The following LRIF1 variants were observed in gnomAD, a reference collection of about 807,000 sequenced individuals.
The protein encoded by LRIF1 is ligand-dependent nuclear receptor-interacting factor 1.
In LRIF1, 32 loss-of-function variants were observed where a neutral mutation model predicts 52.7. The ratio of observed to expected loss-of-function variants is 0.61; its 90% CI spans 0.46 to 0.82. The LOEUF (loss-of-function observed/expected upper bound fraction) is 0.82. LRIF1 is among the 40% of genes least tolerant of loss of function. The probability of loss-of-function intolerance (pLI) is 0.00; values close to 1 mark genes in which losing one functional copy is unlikely to be tolerated. For missense variants in LRIF1, 887 were observed against 892.0 expected, an observed-to-expected ratio of 0.99 and a Z score of 0.07; for synonymous variants, 323 against 317.4, an observed-to-expected ratio of 1.02 and a Z score of -0.19.
At position 110,948,116 on chromosome 1, in the gene LRIF1, T is replaced by C; in HGVS notation, c.2153A>G (p.His718Arg). 2 of 1,614,114 alleles carry C rather than the reference T, an allele frequency of 1.2e-6. No homozygotes were observed. ...LNSNAAYEQSHFFNKNYTEDI... is the reference protein window; with the variant it reads ...LNSNAAYEQSRFFNKNYTEDI... Reference sequence around the variant, plus strand: ...TTCGGTATAATTTTTATTGAAGAAATGACTTTGTTCATAAGCTGCATTTGA... The same window carrying C: ...TTCGGTATAATTTTTATTGAAGAAACGACTTTGTTCATAAGCTGCATTTGA... The change falls in exon 4 of 4, where the codon CAT becomes CGT. Residue 718 changes from histidine to arginine, a missense_variant. Transcript: ENST00000369763.
chr1:110,877,366 T>C, the LRIF1 span, among the ~76,000 whole-genome samples: 1 of 151,984 alleles, frequency 6.6e-6, no homozygotes, highest in Non-Finnish European at 1.5e-5. Flanking sequence ...GCAGACACCA[T>C]GGACAGGCCT....
At chr1:110,894,942 TG>T in the LRIF1 span, 1 of 1,601,584 alleles carries the variant, frequency 6.2e-7, no homozygotes, top group Non-Finnish European at 8.6e-7. Flanking sequence ...TCTCCTCTGC[TG>T]GAATGTGCCT....
chr1:110,933,196 G>A, the LRIF1 span, among the ~76,000 whole-genome samples: 16 of 152,144 alleles, frequency 1.1e-4, no homozygotes, highest in Admixed American at 2.0e-4. Flanking sequence ...GCTCAGCTCC[G>A]AAATCAGCTT....
chr1:110,902,824 AT>A, the LRIF1 span, among the ~76,000 whole-genome samples: 1 of 152,238 alleles, frequency 6.6e-6, no homozygotes, highest in Non-Finnish European at 1.5e-5. Context: ...TGAACCAAAA[AT>A]TAGGTGAGTC....
chr1:110,892,543 T>C, the LRIF1 span: 2 of 1,607,982 alleles, frequency 1.2e-6, no homozygotes, highest in Admixed American at 3.3e-5. Context: ...GGTGAGTCCT[T>C]ACAGCAGATG....
In LRIF1 at chr1:110,951,665, T is replaced by G. The variant is rs200821921; in HGVS notation, c.1219A>C (p.Ile407Leu). The change falls in exon 2 of 4, where the codon ATA becomes CTA. Residue 407 changes from isoleucine to leucine, a missense_variant. Transcript: ENST00000369763. ...QTVSSSPVTEISREVVNIVLA... is the reference protein window; with the variant it reads ...QTVSSSPVTELSREVVNIVLA... ...ACAATATTTACAACCTCTCTGGATA[T>G]TTCTGTGACTGGACTTGAACTCACT... The G allele has an allele frequency of 2.6e-4, 426 of 1,613,984 alleles. No homozygotes were observed. The highest frequency in any genetic ancestry group is 5.8e-4 in the Admixed American group (35 of 60,006).
At chr1:110,953,554 T>C (rs1267627931) in intron 1 of LRIF1, among the ~76,000 whole-genome samples, 6 of 152,170 alleles carry the variant, frequency 3.9e-5, no homozygotes, top group African/African-American at 1.4e-4. Flanking sequence ...GGAAATCAAT[T>C]TTTTTTAACT....
At position 110,952,317 on chromosome 1, in the gene LRIF1, G is replaced by C; in HGVS notation, c.567C>G (p.Ala189=). The part of the protein sequence containing the change: ...LPSGHHLQIP[A]HAEVKSVPAS... Reference sequence around the variant, plus strand: ...CTGGTACAGATTTCACTTCAGCATGGGCTGGAATCTGTAAATGATGCCCAG... The same window carrying C: ...CTGGTACAGATTTCACTTCAGCATGCGCTGGAATCTGTAAATGATGCCCAG... The change falls in exon 2 of 4, where the codon GCC becomes GCG. Residue 189 remains alanine (A), a synonymous_variant. Coordinates refer to ENST00000369763, the MANE Select transcript of LRIF1 (RefSeq NM_018372.4). 6.2e-7 allele frequency: 1 copy of C among 1,614,070 alleles called. No homozygotes were observed. Among genetic ancestry groups the C allele is most frequent in the Non-Finnish European group, 8.5e-7 (1 of 1,179,962 alleles).
the LRIF1 span, among the ~76,000 whole-genome samples, chr1:110,933,491 C>A: frequency 6.6e-6 from 1 of 152,174 alleles, no homozygotes; most frequent in Non-Finnish European, 1.5e-5. Flanking sequence ...CCCCCAACAG[C>A]AGCCAGGTGG....
the LRIF1 span, among the ~76,000 whole-genome samples, chr1:110,905,077 T>C: frequency 3.2e-4 from 49 of 151,974 alleles, no homozygotes; most frequent in African/African-American, 1.1e-3. Flanking sequence ...TATTTGAAAA[T>C]ACAGTCAGAG....
chr1:110,900,790 A>G, the LRIF1 span, among the ~76,000 whole-genome samples: 30 of 152,074 alleles, frequency 2.0e-4, no homozygotes, highest in African/African-American at 7.2e-4. Context: ...GATTATAGAC[A>G]AGGGTATAAA....
chr1:110,917,597 A>C, the LRIF1 span, among the ~76,000 whole-genome samples: 5 of 152,048 alleles, frequency 3.3e-5, no homozygotes. Flanking sequence ...CAATGCACAT[A>C]ACAAAAATCC....
the LRIF1 span, chr1:110,894,477 T>C: frequency 9.0e-7 from 1 of 1,108,584 alleles, no homozygotes; most frequent in Non-Finnish European, 1.4e-6. Flanking sequence ...TGGTACAAAG[T>C]TACAGAATAA....
chr1:110,962,061 T>TACACACACACACACAC (rs59351644), intron 1 of LRIF1, among the ~76,000 whole-genome samples: 7 of 143,788 alleles, frequency 4.9e-5, no homozygotes, highest in East Asian at 4.0e-4. Flanking sequence ...GAGTTAAGGG[T>TACACACACACACACAC]ACACACACAC....
At chr1:110,911,235 G>A in the LRIF1 span, among the ~76,000 whole-genome samples, 1 of 151,840 alleles carries the variant, frequency 6.6e-6, no homozygotes, top group African/African-American at 2.4e-5. Context: ...CACACAAACT[G>A]GAAAACCTAG....
chr1:110,922,839 C>T, the LRIF1 span, among the ~76,000 whole-genome samples: 1 of 152,182 alleles, frequency 6.6e-6, no homozygotes, highest in Non-Finnish European at 1.5e-5. Context: ...TATTCTTTGC[C>T]TCTTTCAGCT....
At chr1:110,909,841 A>G in the LRIF1 span, among the ~76,000 whole-genome samples, 1 of 152,076 alleles carries the variant, frequency 6.6e-6, no homozygotes, top group Non-Finnish European at 1.5e-5. Flanking sequence ...TCTGCCTCCC[A>G]AAGTGCTGGG....
the LRIF1 span, among the ~76,000 whole-genome samples, chr1:110,888,689 A>C: frequency 2.6e-5 from 4 of 152,248 alleles, no homozygotes; most frequent in Admixed American, 2.0e-4. Context: ...TAGTTATCTC[A>C]ATATGTACAA....
downstream of LRIF1, chr1:110,944,806 C>A (rs1658164544): frequency 6.6e-6 from 1 of 151,722 alleles, no homozygotes; most frequent in African/African-American, 2.4e-5. Context: ...TTTAGAAAAA[C>A]CAGTGGTAAA....
Sources: allele counts gnomAD v4.1 joint callset (sites outside exome capture counted in the v4.1 genomes callset), GRCh38; gene constraint gnomAD v4.1.1; transcripts MANE v1.5; gene names NCBI Gene and HGNC (gene_info 2026-07-23, HGNC 2026-07-21).